The following ADAMTSL3 variants were observed in gnomAD, a reference collection of about 807,000 sequenced individuals.
ADAMTSL3 encodes ADAMTS like 3.
In ADAMTSL3, 128 loss-of-function variants were observed where a neutral mutation model predicts 201.7. The ratio of observed to expected loss-of-function variants is 0.63; its 90% confidence interval spans 0.55 to 0.73. The LOEUF (loss-of-function observed/expected upper bound fraction) is 0.73, where lower values mean the gene tolerates loss of function less well. Ranked by LOEUF, ADAMTSL3 falls within the 30% of genes least tolerant of loss-of-function variation. ADAMTSL3 has a pLI of 0.00. For missense variants in ADAMTSL3, 1,990 were observed against 2,119.6 expected, an observed-to-expected ratio of 0.94 and a Z score of 1.20; for synonymous variants, 738 against 748.4, an observed-to-expected ratio of 0.99 and a Z score of 0.23.
Position 83,766,373 on chromosome 15 carries a change from T to C in ADAMTSL3, c.190-7150T>C, listed in dbSNP as rs537841736. On this transcript the variant is annotated intron_variant, in intron 3 of 29. Transcript: ENST00000286744. ...GTGTGAGAAAATGAACGAATGCATG[T>C]GAGTTCATGAACATCAGTCAGAAAT... 1.2e-4 allele frequency among the ~76,000 whole-genome samples: 18 copies of C among 152,340 alleles called. No individual in the cohort carries two copies. The South Asian group carries it at 1.2e-3, about 11-fold the overall frequency.
intron 4 of ADAMTSL3, among the ~76,000 whole-genome samples, chr15:83,800,828 T>C (rs568264265): frequency 2.0e-5 from 3 of 152,348 alleles, no homozygotes; most frequent in South Asian, 4.1e-4. Context: ...GCAACTTCCC[T>C]CAACTGGGGC....
At chr15:83,993,030 C>A (rs1278097139) in intron 23 of ADAMTSL3, among the ~76,000 whole-genome samples, 2 of 152,226 alleles carry the variant, frequency 1.3e-5, no homozygotes, top group African/African-American at 4.8e-5. Flanking sequence ...CTGATGAGTT[C>A]TTTCCTTTTA....
chr15:83,691,333 C>CTAA (rs1250855155), intron 2 of ADAMTSL3, among the ~76,000 whole-genome samples: 1 of 152,204 alleles, frequency 6.6e-6, no homozygotes, highest in Non-Finnish European at 1.5e-5. Flanking sequence ...TGGAGTTCAT[C>CTAA]TAACACATGT....
chr15:83,848,944 A>G (rs1195389147), intron 7 of ADAMTSL3, among the ~76,000 whole-genome samples: 1 of 152,140 alleles, frequency 6.6e-6, no homozygotes, highest in Non-Finnish European at 1.5e-5. Flanking sequence ...AGGTATTCCT[A>G]TTCCAAGAGA....
chr15:83,881,290 T>C (rs992233115), intron 9 of ADAMTSL3, among the ~76,000 whole-genome samples: 2 of 152,218 alleles, frequency 1.3e-5, no homozygotes, highest in South Asian at 2.1e-4. Flanking sequence ...GGGTCCTGGG[T>C]TGGGAACCTG....
intron 7 of ADAMTSL3, among the ~76,000 whole-genome samples, chr15:83,844,164 T>C (rs1433363832): frequency 1.3e-5 from 2 of 152,172 alleles, no homozygotes; most frequent in Non-Finnish European, 2.9e-5. Context: ...TTTTACATGG[T>C]GGCAGCCAAG....
At position 83,654,649 on chromosome 15, in the gene ADAMTSL3, C is replaced by G. The variant is rs541258297; in HGVS notation, c.-34+373C>G. ...CCGGTTGACCACTGGGTAGCGAGCG[C>G]CCAGAACGCCGGGGGTTGAGGCGAC... On this transcript the variant is annotated intron_variant, in intron 1 of 29. Coordinates refer to ENST00000286744, the MANE Select transcript of ADAMTSL3 (RefSeq NM_207517.3). This position sits in a 1 kb window ranked among gnomAD's most constrained non-coding sequence, Gnocchi z 5.3. 3.0e-4 allele frequency among the ~76,000 whole-genome samples: 46 copies of G among 152,222 alleles called. No individual in the cohort carries two copies. The South Asian group carries it at 8.9e-3, about 30-fold the overall frequency.
At chr15:83,875,492 C>T (rs979907762) in intron 9 of ADAMTSL3, among the ~76,000 whole-genome samples, 1 of 152,162 alleles carries the variant, frequency 6.6e-6, no homozygotes, top group Non-Finnish European at 1.5e-5. Context: ...TGGTGATTCA[C>T]GTAGAACAAT....
At chr15:83,990,546 G>A (rs1041354040) in intron 22 of ADAMTSL3, among the ~76,000 whole-genome samples, 6 of 151,998 alleles carry the variant, frequency 3.9e-5, no homozygotes, top group African/African-American at 1.5e-4. Context: ...TATTACGCTG[G>A]GCCCAATGAG....
At chr15:83,699,300 A>G (rs2061733405) in intron 2 of ADAMTSL3, among the ~76,000 whole-genome samples, 1 of 152,098 alleles carries the variant, frequency 6.6e-6, no homozygotes, top group South Asian at 2.1e-4. Context: ...ATCCTCACCA[A>G]CAAATCAGTT....
intron 4 of ADAMTSL3, among the ~76,000 whole-genome samples, chr15:83,778,578 A>G (rs2063117943): frequency 6.6e-6 from 1 of 152,200 alleles, no homozygotes; most frequent in South Asian, 2.1e-4. Context: ...GAGATAATTT[A>G]TTACCATCAG....
intron 2 of ADAMTSL3, among the ~76,000 whole-genome samples, chr15:83,673,688 T>C (rs961873494): frequency 6.6e-6 from 1 of 152,236 alleles, no homozygotes; most frequent in Non-Finnish European, 1.5e-5. Context: ...GCATCTTTTT[T>C]AAGCTGTCAT....
At chr15:83,665,852 G>A (rs927501319) in intron 2 of ADAMTSL3, among the ~76,000 whole-genome samples, 7 of 151,884 alleles carry the variant, frequency 4.6e-5, no homozygotes, top group African/African-American at 1.7e-4. Flanking sequence ...ACAAATAAAC[G>A]GTATTTTATT....
chr15:83,991,043 A>G, intron 22 of ADAMTSL3, 43 bp from the exon 23 acceptor site: 1 of 1,612,268 alleles, frequency 6.2e-7, no homozygotes, highest in Non-Finnish European at 8.5e-7. Context: ...CCAAAGAGCA[A>G]AAGCCTGAAC....
At chr15:83,984,865 G>A (rs1297709571) in intron 21 of ADAMTSL3, among the ~76,000 whole-genome samples, 1 of 152,180 alleles carries the variant, frequency 6.6e-6, no homozygotes, top group East Asian at 1.9e-4. Context: ...AGTATATGGA[G>A]AAAATAAATG....
intron 7 of ADAMTSL3, among the ~76,000 whole-genome samples, chr15:83,840,091 A>G (rs1030707327): frequency 6.6e-6 from 1 of 152,224 alleles, no homozygotes; most frequent in African/African-American, 2.4e-5. Context: ...ATATAAGAGG[A>G]AACCAATAAT....
At chr15:83,958,466 G>T (rs2066899358) in intron 19 of ADAMTSL3, among the ~76,000 whole-genome samples, 1 of 152,160 alleles carries the variant, frequency 6.6e-6, no homozygotes, top group Non-Finnish European at 1.5e-5. Context: ...CCAAATTGTT[G>T]CATATAATAC....
chr15:83,851,896 A>G (rs2064622628), intron 7 of ADAMTSL3, among the ~76,000 whole-genome samples: 2 of 152,240 alleles, frequency 1.3e-5, no homozygotes. Context: ...ACCCTCTACC[A>G]TCCACAAACT....
At chr15:83,804,203 A>C (rs760516391) in intron 4 of ADAMTSL3, among the ~76,000 whole-genome samples, 12 of 152,212 alleles carry the variant, frequency 7.9e-5, no homozygotes, top group Non-Finnish European at 1.8e-4. Flanking sequence ...TACTAATTAA[A>C]GGAAGACAGT....
Sources: gnomAD v4.1 joint callset for allele counts (sites outside exome capture counted in the v4.1 genomes callset) on GRCh38, gnomAD v4.1.1 for gene constraint, Gnocchi (gnomAD v3.1) non-coding constraint, MANE v1.5 for transcripts, NCBI Gene and HGNC (gene_info 2026-07-23, HGNC 2026-07-21) for gene names.